Variants in RBFOX1 observed in about 807,000 individuals in gnomAD.
RBFOX1 encodes the protein RNA binding fox-1 homolog 1, also known as RNA binding protein fox-1 homolog 1.
RBFOX1 carries 8 observed loss-of-function variants against 57.7 expected under a neutral mutation model. The observed-to-expected ratio is 0.14, with a 90% CI of 0.08 to 0.25. The LOEUF (loss-of-function observed/expected upper bound fraction) is 0.25. Among genes scored for constraint, RBFOX1 ranks in the 10% least tolerant of loss-of-function variants. The probability of loss-of-function intolerance (pLI) is 1.00; values close to 1 mark genes in which losing one functional copy is unlikely to be tolerated. For missense variants in RBFOX1, 611 were observed against 548.5 expected, an observed-to-expected ratio of 1.11 and a Z score of -1.14; for synonymous variants, 326 against 222.4, an observed-to-expected ratio of 1.47 and a Z score of -4.15.
intron 2 of RBFOX1, among the ~76,000 whole-genome samples, chr16:6,428,938 A>C (rs1040412591): frequency 6.6e-5 from 10 of 152,160 alleles, no homozygotes; most frequent in Non-Finnish European, 1.2e-4. Flanking sequence ...CTTAGATCAC[A>C]GCGCATTTGA....
intron 4 of RBFOX1, among the ~76,000 whole-genome samples, chr16:7,267,495 T>G (rs2095191283): frequency 6.6e-6 from 1 of 152,014 alleles, no homozygotes; most frequent in African/African-American, 2.4e-5. Context: ...AAGGTTGCAC[T>G]ACTGCATTCC....
intron 2 of RBFOX1, among the ~76,000 whole-genome samples, chr16:5,523,458 TA>T (rs111981542): frequency 0.044 from 6,659 of 150,360 alleles, 504 homozygotes; most frequent in African/African-American, 0.15. Context: ...TTACAAAAAA[TA>T]AAAAAAATTA....
chr16:6,346,356 A>G (rs1287267031), intron 2 of RBFOX1, among the ~76,000 whole-genome samples: 1 of 152,222 alleles, frequency 6.6e-6, no homozygotes, highest in Non-Finnish European at 1.5e-5. Context: ...TTAACAAACT[A>G]CAGCCTAATT....
chr16:6,425,619 GA>G (rs2152995677), intron 2 of RBFOX1, among the ~76,000 whole-genome samples: 1 of 152,000 alleles, frequency 6.6e-6, no homozygotes, highest in African/African-American at 2.4e-5. Context: ...TTTTTGTGAA[GA>G]AAATTGTTTG....
chr16:6,613,108 T>A (rs1194132154), intron 2 of RBFOX1, among the ~76,000 whole-genome samples: 1 of 151,710 alleles, frequency 6.6e-6, no homozygotes, highest in Admixed American at 6.6e-5. Flanking sequence ...TCAGGCCTGA[T>A]TAATACTTTT....
chr16:6,894,642 T>C (rs2066318782), intron 3 of RBFOX1, among the ~76,000 whole-genome samples: 1 of 152,198 alleles, frequency 6.6e-6, no homozygotes, highest in Non-Finnish European at 1.5e-5. Flanking sequence ...TTTCTCTCAC[T>C]TTATAACAGC....
chr16:7,687,832 A>G (rs1005533522), intron 14 of RBFOX1, among the ~76,000 whole-genome samples: 4 of 152,150 alleles, frequency 2.6e-5, no homozygotes, highest in East Asian at 3.9e-4. Flanking sequence ...GAGGCAAGAT[A>G]CATATGTTCA....
intron 1 of RBFOX1, among the ~76,000 whole-genome samples, chr16:5,331,960 A>G (rs971797961): frequency 1.3e-5 from 2 of 152,230 alleles, no homozygotes; most frequent in South Asian, 2.1e-4. Flanking sequence ...GTCAAGTCCT[A>G]AGACAGAAGG....
At chr16:7,644,210 T>C (rs895612085) in intron 11 of RBFOX1, among the ~76,000 whole-genome samples, 25 of 152,156 alleles carry the variant, frequency 1.6e-4, no homozygotes, top group Admixed American at 5.9e-4. Flanking sequence ...TGAGCCACTC[T>C]ATACCTCCAT....
intron 2 of RBFOX1, among the ~76,000 whole-genome samples, chr16:5,508,532 C>T (rs919850350): frequency 3.3e-5 from 5 of 152,150 alleles, no homozygotes; most frequent in African/African-American, 1.2e-4. Context: ...TGGGAGATTG[C>T]ACAGAGTGAT....
At chr16:6,528,459 C>T (rs1025880477) in intron 2 of RBFOX1, among the ~76,000 whole-genome samples, 3 of 152,200 alleles carry the variant, frequency 2.0e-5, no homozygotes, top group Non-Finnish European at 4.4e-5. Context: ...TGTTTGTTTA[C>T]ATGCACCCTA....
chr16:7,411,019 C>T (rs1026500739), intron 4 of RBFOX1, among the ~76,000 whole-genome samples: 1 of 152,100 alleles, frequency 6.6e-6, no homozygotes, highest in Non-Finnish European at 1.5e-5. Context: ...GATCTTGGCT[C>T]ACTGCACCCT....
chr16:5,256,855 G>C (rs1317877159), intron 1 of RBFOX1, among the ~76,000 whole-genome samples: 1 of 151,930 alleles, frequency 6.6e-6, no homozygotes, highest in African/African-American at 2.4e-5. Context: ...AATCATTTGA[G>C]CTCAGGAGGC....
chr16:5,541,656 C>A (rs1210008147), intron 2 of RBFOX1, among the ~76,000 whole-genome samples: 1 of 152,164 alleles, frequency 6.6e-6, no homozygotes, highest in Non-Finnish European at 1.5e-5. Flanking sequence ...CTGAGCAGTT[C>A]CCAGCATGAG....
At chr16:6,639,049 C>T (rs1016047853) in intron 2 of RBFOX1, among the ~76,000 whole-genome samples, 2 of 152,198 alleles carry the variant, frequency 1.3e-5, no homozygotes, top group Admixed American at 6.5e-5. Context: ...CCCACCCAGC[C>T]ACCTACAAAG....
intron 2 of RBFOX1, among the ~76,000 whole-genome samples, chr16:6,369,651 A>G (rs181986330): frequency 1.3e-5 from 2 of 152,182 alleles, no homozygotes; most frequent in Admixed American, 1.3e-4. Context: ...AGTTTTAATT[A>G]CCCTCCAACC....
chr16:7,141,302 C>T (rs1453470495), intron 4 of RBFOX1, among the ~76,000 whole-genome samples: 1 of 152,168 alleles, frequency 6.6e-6, no homozygotes, highest in Non-Finnish European at 1.5e-5. Flanking sequence ...ATTCATTATT[C>T]ACCCACGGAA....
chr16:7,257,840 TG>T (rs1733927019), intron 4 of RBFOX1, among the ~76,000 whole-genome samples: 1 of 152,232 alleles, frequency 6.6e-6, no homozygotes, highest in African/African-American at 2.4e-5. Context: ...GAAATTAAAT[TG>T]GAAGTCCTTG....
intron 3 of RBFOX1, among the ~76,000 whole-genome samples, chr16:6,905,480 G>C (rs142054804): frequency 1.1e-3 from 165 of 151,620 alleles, no homozygotes; most frequent in African/African-American, 3.8e-3. Flanking sequence ...TTGAACCCGG[G>C]AGGCATAGGT....
Sources: gnomAD v4.1 joint callset for allele counts (sites outside exome capture counted in the v4.1 genomes callset) on GRCh38, gnomAD v4.1.1 for gene constraint, MANE v1.5 for transcripts, NCBI Gene and HGNC (gene_info 2026-07-23, HGNC 2026-07-21) for gene names.